Variants in EPHB1 observed in about 807,000 individuals in gnomAD.
EPHB1 encodes EPH receptor B1.
EPHB1 carries 30 observed loss-of-function variants against 94.4 expected under a neutral mutation model. The ratio of observed to expected loss-of-function variants is 0.32; its 90% CI spans 0.24 to 0.43. EPHB1 has a LOEUF of 0.43. Ranked by LOEUF, EPHB1 falls within the 20% of genes least tolerant of loss-of-function variation. The probability of loss-of-function intolerance (pLI) is 1.00; values close to 1 mark genes in which losing one functional copy is unlikely to be tolerated. For missense variants in EPHB1, 1,055 were observed against 1,308.3 expected (o/e 0.81, Z 2.99); for synonymous variants, 522 against 489.1 (o/e 1.07, Z -0.89).
chr3:134,857,686 C>T (rs1011220914), intron 1 of EPHB1, among the ~76,000 whole-genome samples: 1 of 152,094 alleles, frequency 6.6e-6, no homozygotes, highest in Non-Finnish European at 1.5e-5. Context: ...CAAGTGACAC[C>T]TGTCCCAAGT....
chr3:134,998,863 T>C (rs182197408), intron 3 of EPHB1, among the ~76,000 whole-genome samples: 16 of 151,876 alleles, frequency 1.1e-4, no homozygotes, highest in Non-Finnish European at 1.8e-4. Flanking sequence ...GGAGAGAAAG[T>C]AGAGAGAGAA....
Position 134,951,517 on chromosome 3 carries a change from C to A in EPHB1, c.270C>A (p.Arg90=). The part of the protein sequence containing the change: ...RGAHRIYTEM[R]FTVRDCSSLP... ...CCCATCGCATCTACACAGAGATGCG[C>A]TTCACTGTGAGAGACTGCAGCAGCC... is the stretch of plus-strand genomic sequence containing the variant. The change falls in exon 3 of 16, where the codon CGC becomes CGA. Residue 90 remains arginine (R), a synonymous_variant. Transcript: ENST00000398015. This position sits in a 1 kb window ranked among gnomAD's most constrained non-coding sequence, Gnocchi z 4.5. 1 of 1,613,886 alleles carries A rather than the reference C, an allele frequency of 6.2e-7. No individual in the cohort carries two copies. The highest frequency in any genetic ancestry group is 8.5e-7 in the Non-Finnish European group (1 of 1,179,828).
intron 2 of EPHB1, among the ~76,000 whole-genome samples, chr3:134,944,328 A>G (rs1049991513): frequency 6.6e-6 from 1 of 152,166 alleles, no homozygotes; most frequent in Non-Finnish European, 1.5e-5. Flanking sequence ...ATAGTATTCC[A>G]TTGTATGGGC....
chr3:135,073,887 T>C (rs2107783254), intron 3 of EPHB1, among the ~76,000 whole-genome samples: 1 of 152,330 alleles, frequency 6.6e-6, no homozygotes, highest in South Asian at 2.1e-4. Context: ...TGTTCCTCTG[T>C]CCTCTGCAAT....
At chr3:135,115,754 C>G (rs1939672867) in intron 4 of EPHB1, among the ~76,000 whole-genome samples, 1 of 152,048 alleles carries the variant, frequency 6.6e-6, no homozygotes, top group South Asian at 2.1e-4. Context: ...TTTATGTCCC[C>G]CAGAATGAGG....
chr3:134,966,510 C>T (rs6782446), intron 3 of EPHB1, among the ~76,000 whole-genome samples: 73,401 of 152,046 alleles, frequency 0.48, 18,306 homozygotes, highest in African/African-American at 0.59. Flanking sequence ...CTCAATAGCC[C>T]AGTAAACAAT....
rs545846441 is a variant in EPHB1 at position 134,921,126 on chromosome 3, A to G, written c.59-4690A>G. Among the ~76,000 whole-genome samples, 6 of 152,160 alleles carry G rather than the reference A, an allele frequency of 3.9e-5. 1 individual carries two copies. Among genetic ancestry groups the G allele is most frequent in the African/African-American group, 1.4e-4 (6 of 41,496 alleles). On this transcript the variant is annotated intron_variant, in intron 1 of 15. Coordinates refer to ENST00000398015, the MANE Select transcript of EPHB1 (RefSeq NM_004441.5). ...CCAGCCCTTGCCAGAAATCCCTTCT[A>G]TCTGCCTTCTTAGCCTCCCTTCTCC...
chr3:135,007,966 G>A (rs551214612), intron 3 of EPHB1, among the ~76,000 whole-genome samples: 106 of 152,336 alleles, frequency 7.0e-4, no homozygotes, highest in African/African-American at 2.5e-3. Flanking sequence ...GATGGCCGAG[G>A]CCCCAGCCAG....
At chr3:135,254,926 C>G (rs1933306409) in intron 15 of EPHB1, among the ~76,000 whole-genome samples, 1 of 152,182 alleles carries the variant, frequency 6.6e-6, no homozygotes, top group African/African-American at 2.4e-5. Context: ...GATTCAACTT[C>G]TTCCTGGTTT....
chr3:135,182,419 C>G (rs991451389), intron 10 of EPHB1, among the ~76,000 whole-genome samples: 1 of 152,152 alleles, frequency 6.6e-6, no homozygotes, highest in Non-Finnish European at 1.5e-5. Flanking sequence ...TCTCCCTCCT[C>G]TTCTTCCCTC....
intron 1 of EPHB1, among the ~76,000 whole-genome samples, chr3:134,877,243 T>C (rs957964485): frequency 2.0e-5 from 3 of 152,160 alleles, no homozygotes; most frequent in Non-Finnish European, 2.9e-5. Flanking sequence ...AAGAAAGTCA[T>C]GTCACAGACA....
At chr3:134,868,740 A>C (rs1254886238) in intron 1 of EPHB1, among the ~76,000 whole-genome samples, 1 of 152,238 alleles carries the variant, frequency 6.6e-6, no homozygotes, top group African/African-American at 2.4e-5. Context: ...CAAGTTGTGC[A>C]CCAAATTATG....
chr3:135,252,453 A>G (rs1278091814), intron 15 of EPHB1, among the ~76,000 whole-genome samples: 2 of 143,128 alleles, frequency 1.4e-5, no homozygotes, highest in Non-Finnish European at 3.0e-5. Context: ...CCTATGAGTG[A>G]GAATATGCGG....
At chr3:135,088,864 T>A (rs376397337) in intron 3 of EPHB1, among the ~76,000 whole-genome samples, 20 of 152,362 alleles carry the variant, frequency 1.3e-4, no homozygotes, top group Non-Finnish European at 2.9e-5. Context: ...CAACATATTA[T>A]CATTTTATAA....
At chr3:135,208,215 A>C (rs1014530687) in intron 12 of EPHB1, among the ~76,000 whole-genome samples, 3 of 151,914 alleles carry the variant, frequency 2.0e-5, no homozygotes, top group Non-Finnish European at 4.4e-5. Context: ...GGCCTGTAGC[A>C]GTCCATCATG....
intron 3 of EPHB1, among the ~76,000 whole-genome samples, chr3:134,994,155 T>C (rs1934911082): frequency 6.6e-6 from 1 of 152,084 alleles, no homozygotes; most frequent in Non-Finnish European, 1.5e-5. Context: ...TGGGGTGGAG[T>C]GGGAAAGGAT....
chr3:134,936,578 C>A (rs186380282), intron 2 of EPHB1, among the ~76,000 whole-genome samples: 11 of 152,128 alleles, frequency 7.2e-5, no homozygotes, highest in Admixed American at 5.9e-4. Flanking sequence ...CGCGCCCCCC[C>A]CTCCATTTGA....
At chr3:135,004,144 G>C (rs1262814180) in intron 3 of EPHB1, among the ~76,000 whole-genome samples, 4 of 151,638 alleles carry the variant, frequency 2.6e-5, no homozygotes, top group Non-Finnish European at 5.9e-5. Context: ...GCTCTTTTAG[G>C]GCAGGCCTGG....
At chr3:135,244,725 A>C (rs1051882973) in intron 13 of EPHB1, among the ~76,000 whole-genome samples, 10 of 152,228 alleles carry the variant, frequency 6.6e-5, no homozygotes, top group Non-Finnish European at 1.3e-4. Context: ...ATGATATTGT[A>C]ATTTGACTAA....
Sources: gnomAD v4.1 joint callset for allele counts (sites outside exome capture counted in the v4.1 genomes callset) on GRCh38, gnomAD v4.1.1 for gene constraint, Gnocchi (gnomAD v3.1) non-coding constraint, MANE v1.5 for transcripts, NCBI Gene and HGNC (gene_info 2026-07-23, HGNC 2026-07-21) for gene names.